Variants in PPP1R12A observed in about 807,000 individuals in gnomAD.
PPP1R12A encodes protein phosphatase 1 regulatory subunit 12A, also known as myosin binding subunit.
A neutral mutation model predicts 139.6 loss-of-function variants in PPP1R12A; 19 were observed. The ratio of observed to expected loss-of-function variants is 0.14; its 90% CI spans 0.09 to 0.20. The LOEUF (loss-of-function observed/expected upper bound fraction) is 0.20, where lower values mean the gene tolerates loss of function less well. PPP1R12A is among the 10% of genes least tolerant of loss of function. The pLI, the probability that PPP1R12A is intolerant of heterozygous loss-of-function variation, is 1.00. For missense variants in PPP1R12A, 925 were observed against 1,211.5 expected (o/e 0.76, Z 3.51); for synonymous variants, 427 against 420.6 (o/e 1.02, Z -0.19).
chr12:79,843,619 TATA>T (rs77331234), intron 3 of PPP1R12A, among the ~76,000 whole-genome samples: 1 of 79,532 alleles, frequency 1.3e-5, no homozygotes, highest in Non-Finnish European at 2.3e-5. Flanking sequence ...AAAATATAGA[TATA>T]GATATAGATA....
intron 6 of PPP1R12A, 112 bp from the exon 7 acceptor site, chr12:79,821,278 A>ATCAGT: frequency 1.5e-6 from 1 of 688,110 alleles, no homozygotes; most frequent in Admixed American, 2.9e-5. Flanking sequence ...ATAAGACAAA[A>ATCAGT]CAAAGAAATA....
chr12:79,824,029 C>G (rs1415468725), intron 5 of PPP1R12A: 3 of 152,180 alleles, frequency 2.0e-5, no homozygotes, highest in Admixed American at 1.3e-4. Context: ...ATTTAAGAGA[C>G]AATCTATCCT....
chr12:79,893,652 T>G (rs1374731032), intron 1 of PPP1R12A, among the ~76,000 whole-genome samples: 1 of 152,218 alleles, frequency 6.6e-6, no homozygotes, highest in East Asian at 1.9e-4. Flanking sequence ...ATAGCTGACT[T>G]ACTACAGGAG....
intron 18 of PPP1R12A, among the ~76,000 whole-genome samples, chr12:79,795,193 A>G (rs1481723601): frequency 6.6e-6 from 1 of 152,166 alleles, no homozygotes; most frequent in East Asian, 1.9e-4. Flanking sequence ...GGAAAACACT[A>G]ATTTTTACAA....
chr12:79,895,189 A>G (rs536607300), intron 1 of PPP1R12A, among the ~76,000 whole-genome samples: 2 of 152,262 alleles, frequency 1.3e-5, no homozygotes, highest in East Asian at 3.9e-4. Context: ...GCTAGCCCAT[A>G]GGCAAGTAAT....
chr12:79,855,155 A>G (rs1288510699), intron 2 of PPP1R12A, among the ~76,000 whole-genome samples: 1 of 151,668 alleles, frequency 6.6e-6, no homozygotes, highest in African/African-American at 2.4e-5. Context: ...CGCCCGGCTA[A>G]TTTTTTGTAT....
chr12:79,882,276 T>C (rs1217307085), intron 1 of PPP1R12A, among the ~76,000 whole-genome samples: 1 of 152,248 alleles, frequency 6.6e-6, no homozygotes, highest in Non-Finnish European at 1.5e-5. Flanking sequence ...TTCACTATTC[T>C]ACATGCTATT....
At chr12:79,874,409 T>A (rs915420518) in intron 1 of PPP1R12A, among the ~76,000 whole-genome samples, 41 of 152,170 alleles carry the variant, frequency 2.7e-4, no homozygotes, top group Admixed American at 2.3e-3. Flanking sequence ...TTTTAAATAG[T>A]GTTTTAAATC....
chr12:79,828,591 C>G (rs1877062766), intron 4 of PPP1R12A, 127 bp from the exon 5 acceptor site: 2 of 755,854 alleles, frequency 2.6e-6, no homozygotes. Context: ...TACATCCTTC[C>G]CCCTCAATGA....
At chr12:79,802,853 A>G (rs1335564743) in intron 14 of PPP1R12A, among the ~76,000 whole-genome samples, 1 of 152,232 alleles carries the variant, frequency 6.6e-6, no homozygotes, top group African/African-American at 2.4e-5. Context: ...CTGAAACTAA[A>G]TATGAACGTG....
At chr12:79,897,689 A>G (rs1885256958) in intron 1 of PPP1R12A, among the ~76,000 whole-genome samples, 1 of 152,194 alleles carries the variant, frequency 6.6e-6, no homozygotes, top group Admixed American at 6.5e-5. Context: ...TCTGAAATTC[A>G]GCAGAGAAGA....
At chr12:79,869,038 CTTCAT>C (rs1287974392) in intron 2 of PPP1R12A, among the ~76,000 whole-genome samples, 2 of 152,176 alleles carry the variant, frequency 1.3e-5, no homozygotes, top group African/African-American at 4.8e-5. Context: ...CACAAACTCA[CTTCAT>C]TTATTTGTCC....
Position 79,821,058 on chromosome 12 carries a change from T to C in PPP1R12A, c.956+20A>G, listed in dbSNP as rs538440703. On this transcript the variant is annotated intron_variant, in intron 7 of 24. Coordinates refer to ENST00000450142, the MANE Select transcript of PPP1R12A (RefSeq NM_002480.3). ...AACTCATTAACAAAAATAACAAATG[T>C]ACTTGAATATTTTACTCACTTTTTA... 28 of 1,597,168 alleles carry C rather than the reference T, an allele frequency of 1.8e-5. No homozygotes were observed. The South Asian group carries it at 3.0e-4, about 17-fold the overall frequency.
At position 79,809,907 on chromosome 12, in the gene PPP1R12A, G is replaced by T. The variant is rs1160872017; in HGVS notation, c.1343C>A (p.Ala448Glu). 6.2e-7 allele frequency: 1 copy of T among 1,613,374 alleles called. No individual in the cohort carries two copies. ...TTTAGATGCTGTGATTTCAGCAAGT[G>T]CACCATAGCTGCCCGTCTTTCTAAG... is the stretch of plus-strand genomic sequence containing the variant. ...LGLRKTGSYG[A>E]LAEITASKEG... Residue 448 changes from alanine (A) to glutamate (E), a missense_variant, in exon 10 of 25, where the codon GCA becomes GAA. Ala to Glu is a moderately radical substitution (Grantham distance 107). This residue lies in a region of PPP1R12A where 403 missense variants were observed against 463.7 expected (regional missense o/e 0.87). Transcript: ENST00000450142.
rs758081213 is a variant in PPP1R12A at position 79,795,683 on chromosome 12, T to G, written c.2538A>C (p.Pro846=). The G allele has an allele frequency of 1.9e-6, 3 of 1,612,468 alleles. No homozygotes were observed. Among genetic ancestry groups the G allele is most frequent in the Non-Finnish European group, 2.5e-6 (3 of 1,179,404 alleles). ...CTCCTGTAGATCTTCTTTTCTCTCT[T>G]GGTCGTCGTCGTTCTCTGATTGATT... ...QPKSIRERRR[P]REKRRSTGVS... The change falls in exon 18 of 25, where the codon CCA becomes CCC. Residue 846 remains proline, a synonymous_variant. Coordinates refer to ENST00000450142, the MANE Select transcript of PPP1R12A (RefSeq NM_002480.3).
At chr12:79,900,946 T>G (rs1368287906) in intron 1 of PPP1R12A, among the ~76,000 whole-genome samples, 1 of 152,218 alleles carries the variant, frequency 6.6e-6, no homozygotes, top group Non-Finnish European at 1.5e-5. Context: ...GTGAAGAGAA[T>G]CCTTCATACC....
At chr12:79,789,410 A>G (rs556886964) in intron 20 of PPP1R12A, among the ~76,000 whole-genome samples, 2 of 152,332 alleles carry the variant, frequency 1.3e-5, no homozygotes, top group South Asian at 4.1e-4. Flanking sequence ...TTATAGTTTA[A>G]TTGGTAGCAC....
At chr12:79,803,747 AGAC>A (rs750688553) in intron 14 of PPP1R12A, among the ~76,000 whole-genome samples, 56 of 152,292 alleles carry the variant, frequency 3.7e-4, no homozygotes, top group Non-Finnish European at 7.1e-4. Flanking sequence ...TCTATAATAT[AGAC>A]GAGAAAAAAT....
At chr12:79,795,598 C>T (rs1872419024) in intron 18 of PPP1R12A, 40 bp downstream of exon 18, 1 of 1,571,684 alleles carries the variant, frequency 6.4e-7, no homozygotes, top group Non-Finnish European at 8.7e-7. Context: ...AGAATACTAT[C>T]AAGAATACTA....
Sources: allele counts gnomAD v4.1 joint callset (sites outside exome capture counted in the v4.1 genomes callset), GRCh38; gene constraint gnomAD v4.1.1; regional missense constraint gnomAD v4.1.1; transcripts MANE v1.5; gene names NCBI Gene and HGNC (gene_info 2026-07-23, HGNC 2026-07-21).